RTL4: variants seen among roughly 807,000 people sequenced by gnomAD.
The protein encoded by RTL4 is retrotransposon Gag like 4.
A neutral mutation model predicts 5.3 loss-of-function variants in RTL4; 4 were observed. The ratio of observed to expected loss-of-function variants is 0.75; its 90% CI spans 0.37 to 1.72. The LOEUF is 1.72. Ranked by LOEUF, RTL4 falls within the 40% of genes most tolerant of loss-of-function variation. RTL4 has a pLI of 0.04. For synonymous variants in RTL4, 98 were observed against 87.3 expected (o/e 1.12, Z -0.68); for missense variants, 260 against 227.1 (o/e 1.14, Z -0.93).
the RTL4 span, among the ~76,000 whole-genome samples, chrX:112,270,881 A>G: frequency 3.6e-5 from 4 of 110,195 alleles, no homozygotes; most frequent in African/African-American, 1.3e-4. Context: ...TTGAAGGGCA[A>G]TCGGCTTTTT....
the RTL4 span, among the ~76,000 whole-genome samples, chrX:112,242,999 A>G: frequency 2.1e-4 from 23 of 111,294 alleles, no homozygotes; most frequent in African/African-American, 6.9e-4. Context: ...AAGTTTACTG[A>G]TTTGTGTATG....
the RTL4 span, among the ~76,000 whole-genome samples, chrX:112,414,775 A>G: frequency 1.8e-5 from 2 of 111,686 alleles, no homozygotes; most frequent in Non-Finnish European, 3.8e-5. Context: ...ACAGAGGCAC[A>G]ATGTGACAGG....
chrX:112,225,992 A>G, the RTL4 span, among the ~76,000 whole-genome samples: 14 of 111,876 alleles, frequency 1.3e-4, no homozygotes, highest in African/African-American at 3.9e-4. Flanking sequence ...TAAGCTATAT[A>G]TGTGAAGTCA....
the RTL4 span, among the ~76,000 whole-genome samples, chrX:112,088,644 C>T: frequency 3.6e-5 from 4 of 111,822 alleles, no homozygotes; most frequent in Non-Finnish European, 7.5e-5. Context: ...AATTGTTTTC[C>T]ATAGTGGTTG....
chrX:112,311,357 G>C, the RTL4 span, among the ~76,000 whole-genome samples: 1 of 110,855 alleles, frequency 9.0e-6, no homozygotes, highest in Admixed American at 9.8e-5. Context: ...CATTTTATAG[G>C]ATGTTGGCTG....
At chrX:112,163,538 T>G in the RTL4 span, among the ~76,000 whole-genome samples, 1 of 111,903 alleles carries the variant, frequency 8.9e-6, no homozygotes, top group East Asian at 2.8e-4. Flanking sequence ...CCCTGAGGCC[T>G]ACATGTCTTT....
the RTL4 span, among the ~76,000 whole-genome samples, chrX:112,280,309 A>C: frequency 1.8e-5 from 2 of 111,222 alleles, no homozygotes; most frequent in Non-Finnish European, 3.8e-5. Context: ...ACTGGGAACT[A>C]CTGGAAGAGG....
At chrX:112,210,058 C>T in the RTL4 span, among the ~76,000 whole-genome samples, 9 of 111,979 alleles carry the variant, frequency 8.0e-5, no homozygotes, top group Non-Finnish European at 1.7e-4. Context: ...GCAGCCTGGA[C>T]CTGTTGCAGA....
chrX:112,430,448 G>C, the RTL4 span, among the ~76,000 whole-genome samples: 1 of 111,136 alleles, frequency 9.0e-6, no homozygotes, highest in Non-Finnish European at 1.9e-5. Flanking sequence ...ATCTGTTCTT[G>C]AACGTTACCT....
chrX:112,378,147 G>A, the RTL4 span, among the ~76,000 whole-genome samples: 4 of 111,247 alleles, frequency 3.6e-5, no homozygotes, highest in Admixed American at 3.8e-4. Context: ...CATCACTATC[G>A]CATTTGCACC....
chrX:112,373,640 C>T, the RTL4 span, among the ~76,000 whole-genome samples: 6 of 109,107 alleles, frequency 5.5e-5, no homozygotes, highest in African/African-American at 1.0e-4. Flanking sequence ...GGAATACATA[C>T]AATAAAATGT....
At chrX:112,325,647 A>C in the RTL4 span, among the ~76,000 whole-genome samples, 22 of 112,384 alleles carry the variant, frequency 2.0e-4, no homozygotes, top group Non-Finnish European at 1.9e-5. Context: ...TACAAAAATT[A>C]ATTCAAGATG....
chrX:112,425,280 G>A, the RTL4 span, among the ~76,000 whole-genome samples: 2 of 111,315 alleles, frequency 1.8e-5, no homozygotes. Context: ...TTTTAGTGCT[G>A]AATAATATTA....
At chrX:112,125,029 T>C in the RTL4 span, among the ~76,000 whole-genome samples, 1 of 109,088 alleles carries the variant, frequency 9.2e-6, no homozygotes, top group Non-Finnish European at 1.9e-5. Flanking sequence ...GCCTCCCAAG[T>C]AGCAGGGACT....
chrX:112,213,925 G>A, the RTL4 span, among the ~76,000 whole-genome samples: 1 of 109,931 alleles, frequency 9.1e-6, no homozygotes, highest in Admixed American at 9.7e-5. Context: ...ATGAATTTGG[G>A]GATAAGTATA....
chrX:112,277,575 A>G, the RTL4 span, among the ~76,000 whole-genome samples: 1 of 111,817 alleles, frequency 8.9e-6, no homozygotes, highest in African/African-American at 3.3e-5. Context: ...TTCGCCATGC[A>G]GAATCATCAA....
At chrX:112,226,437 A>T in the RTL4 span, among the ~76,000 whole-genome samples, 1 of 111,995 alleles carries the variant, frequency 8.9e-6, no homozygotes, top group African/African-American at 3.2e-5. Context: ...AATGATCCTT[A>T]AGCAGATTTA....
chrX:112,228,040 T>C, the RTL4 span, among the ~76,000 whole-genome samples: 6 of 111,254 alleles, frequency 5.4e-5, no homozygotes, highest in Admixed American at 5.7e-4. Flanking sequence ...TAGATAAAGG[T>C]ATGACAATAT....
chrX:112,153,279 A>C, the RTL4 span, among the ~76,000 whole-genome samples: 6 of 111,787 alleles, frequency 5.4e-5, no homozygotes, highest in African/African-American at 1.9e-4. Context: ...TGAAGAAAAA[A>C]TAGTCATTCA....
Sources: allele counts gnomAD v4.1 joint callset (sites outside exome capture counted in the v4.1 genomes callset), GRCh38; gene constraint gnomAD v4.1.1; transcripts MANE v1.5; gene names NCBI Gene and HGNC (gene_info 2026-07-23, HGNC 2026-07-21).